ZNF518B: variants seen among roughly 807,000 people sequenced by gnomAD.
ZNF518B encodes the protein zinc finger protein 518B.
In ZNF518B, 23 loss-of-function variants were observed where a neutral mutation model predicts 56.3. That is an observed-to-expected ratio of 0.41 (90% CI 0.29 to 0.58). The LOEUF (loss-of-function observed/expected upper bound fraction) is 0.58, where lower values mean the gene tolerates loss of function less well. Ranked by LOEUF, ZNF518B falls within the 20% of genes least tolerant of loss-of-function variation. The pLI is 0.32. For missense variants in ZNF518B, 1,460 were observed against 1,272.1 expected (o/e 1.15, Z -2.25); for synonymous variants, 529 against 465.9 (o/e 1.14, Z -1.74).
upstream of ZNF518B, among the ~76,000 whole-genome samples, chr4:10,458,218 A>C (rs1195168786): frequency 1.3e-5 from 2 of 152,192 alleles, no homozygotes; most frequent in Non-Finnish European, 2.9e-5. Flanking sequence ...GTCCCGCACA[A>C]TCAGTGACTC....
At position 10,443,358 on chromosome 4, in the gene ZNF518B, G is replaced by A. The variant is rs1380410394; in HGVS notation, c.2971C>T (p.Arg991Cys). Residue 991 changes from arginine (R) to cysteine (C), a missense_variant, in exon 3 of 3, where the codon CGC (arginine) becomes TGC (cysteine). Transcript: ENST00000326756. ...CQLGIRRHHVRLTYQNAEEAS... is the reference protein window; with the variant it reads ...CQLGIRRHHVCLTYQNAEEAS... ...TCTTCCGCATTCTGGTAGGTCAGGC[G>A]TACATGATGCCGTCTGATGCCTAGC... 5 of 1,614,196 alleles carry A rather than the reference G, an allele frequency of 3.1e-6. No individual in the cohort carries two copies. Among genetic ancestry groups the A allele is most frequent in the East Asian group, 2.2e-5 (1 of 44,892 alleles).
At position 10,445,521 on chromosome 4, in the gene ZNF518B, C is replaced by T. The variant is rs1322090335; in HGVS notation, c.808G>A (p.Asp270Asn). The T allele has an allele frequency of 3.1e-6, 5 of 1,614,008 alleles. No individual in the cohort carries two copies. In the Admixed American group the frequency reaches 8.3e-5, roughly 27 times the overall value. Reference protein sequence around the residue: ...LSGFSLHANKDKMHNIMLLPE... With the variant: ...LSGFSLHANKNKMHNIMLLPE... ...AACAACATGATATTGTGCATTTTGT[C>T]TTTATTTGCATGGAGAGAGAAACCT... The change falls in exon 3 of 3, where the codon GAC (aspartate) becomes AAC (asparagine). Residue 270 changes from aspartate (D) to asparagine (N), a missense_variant. Physicochemically the swap from Asp to Asn is conservative, Grantham distance 23. Transcript: ENST00000326756.
upstream of ZNF518B, among the ~76,000 whole-genome samples, chr4:10,460,304 C>CAAAAAAA (rs1210892613): frequency 2.3e-4 from 2 of 8,798 alleles, no homozygotes; most frequent in Non-Finnish European, 3.2e-4. Context: ...GACTCTGTCT[C>CAAAAAAA]AAAAAAAAAA....
At position 10,443,267 on chromosome 4, in the gene ZNF518B, T is replaced by C. The variant is rs1298942664; in HGVS notation, c.3062A>G (p.Tyr1021Cys). Residue 1021 changes from tyrosine (Y) to cysteine (C), a missense_variant, in exon 3 of 3, where the codon TAC (tyrosine) becomes TGC (cysteine). Coordinates refer to ENST00000326756, the MANE Select transcript of ZNF518B (RefSeq NM_053042.3). ...ATCAGGCAAGGAATCCACTACCTGG[T>C]AGTTGTTTTTATGAACTTTTTTGAG... ...MKLKKVHKNN[Y>C]QVVDSLPDDS... is the part of the protein sequence containing the mutation. 2.5e-6 allele frequency: 4 copies of C among 1,614,230 alleles called. No homozygotes were observed. The highest frequency in any genetic ancestry group is 2.2e-5 in the East Asian group (1 of 44,890).
rs1022509691 is a variant in ZNF518B, at chr4:10,440,448, T to C, written c.*2656A>G. The stretch of plus-strand genomic sequence containing the variant: ...GTAGTGATTGGAGGTCCTTCAAAAT[T>C]AAGAACCCACACAAATACTCAACAC... On this transcript the variant is annotated 3_prime_UTR_variant, in exon 3 of 3. Transcript: ENST00000326756. 1 of 152,582 alleles carries C rather than the reference T, an allele frequency of 6.6e-6. No homozygotes were observed. 9.5% of individuals were successfully genotyped at this position (152,582 alleles called of 1,614,324 possible).
chr4:10,458,754 C>T (rs1193018399), upstream of ZNF518B, among the ~76,000 whole-genome samples: 2 of 152,088 alleles, frequency 1.3e-5, no homozygotes, highest in African/African-American at 4.8e-5. Flanking sequence ...TCAAAGTCTC[C>T]CTCAAGAGTA....
upstream of ZNF518B, among the ~76,000 whole-genome samples, chr4:10,459,386 C>T (rs1027231608): frequency 3.9e-5 from 6 of 152,192 alleles, no homozygotes; most frequent in African/African-American, 1.4e-4. Flanking sequence ...ATCACACGTT[C>T]CCTACACGTC....
intron 2 of ZNF518B, among the ~76,000 whole-genome samples, chr4:10,448,458 A>G (rs1715164140): frequency 1.3e-5 from 2 of 152,206 alleles, no homozygotes; most frequent in African/African-American, 4.8e-5. Context: ...GGAAAGCACC[A>G]AAATAACACA....
chr4:10,445,179 G>T lies in ZNF518B; in HGVS notation c.1150C>A (p.Arg384Ser). 1 of 1,614,104 alleles carries T rather than the reference G, an allele frequency of 6.2e-7. No homozygotes were observed. The highest frequency in any genetic ancestry group is 2.2e-5 in the East Asian group (1 of 44,884). ...AGRDNGGNSE[R>S]MVKEKGSNEQ... Reference sequence around the variant, plus strand: ...TTTGAACCCTTCTCTTTCACCATACGTTCAGAATTACCTCCATTATCCCTC... The same window carrying T: ...TTTGAACCCTTCTCTTTCACCATACTTTCAGAATTACCTCCATTATCCCTC... Residue 384 changes from arginine (R) to serine (S), a missense_variant, in exon 3 of 3, where the codon CGT (arginine) becomes AGT (serine). By Grantham distance (110) the Arg-to-Ser change is moderately radical. Coordinates refer to ENST00000326756, the MANE Select transcript of ZNF518B (RefSeq NM_053042.3).
chr4:10,443,585 G>C lies in ZNF518B; in HGVS notation c.2744C>G (p.Ser915Ter). The C allele has an allele frequency of 6.2e-7, 1 of 1,614,164 alleles. No individual in the cohort carries two copies. The highest frequency in any genetic ancestry group is 8.5e-7 in the Non-Finnish European group (1 of 1,180,030). The change falls in exon 3 of 3, where the codon TCA becomes TGA. Residue 915 changes from serine to a stop codon, truncating the protein, a stop_gained. Coordinates refer to ENST00000326756, the MANE Select transcript of ZNF518B (RefSeq NM_053042.3). LOFTEE classifies it high-confidence loss of function. Reference protein sequence around the residue: ...AEPSRCLKDPSIFQVARQLRL... With the variant: ...AEPSRCLKDP The stretch of plus-strand genomic sequence containing the variant: ...TAGTTGCCTTGCAACCTGAAAAATT[G>C]AAGGATCCTTGAGACAGCGGCTAGG...
At position 10,444,818 on chromosome 4, in the gene ZNF518B, G is replaced by C; in HGVS notation, c.1511C>G (p.Pro504Arg). 3 of 1,614,024 alleles carry C rather than the reference G, an allele frequency of 1.9e-6. No homozygotes were observed. Among genetic ancestry groups the C allele is most frequent in the Non-Finnish European group, 2.5e-6 (3 of 1,179,966 alleles). ...ACAAACAGCAGCTTTATATGGAAAA[G>C]GGTTTGATGCAGCTCCAAGACTACG... ...VLRSLGAASNPFPYKAAVCFA... is the reference protein window; with the variant it reads ...VLRSLGAASNRFPYKAAVCFA... The change falls in exon 3 of 3, where the codon CCT becomes CGT. Residue 504 changes from proline (P) to arginine (R), a missense_variant. Pro to Arg is a moderately radical substitution (Grantham distance 103, BLOSUM62 -2). Coordinates refer to ENST00000326756, the MANE Select transcript of ZNF518B (RefSeq NM_053042.3).
At position 10,440,667 on chromosome 4, in the gene ZNF518B, T is replaced by C. The variant is rs761619337; in HGVS notation, c.*2437A>G. On this transcript the variant is annotated 3_prime_UTR_variant, in exon 3 of 3. Transcript: ENST00000326756. Reference sequence around the variant, plus strand: ...AAATCCTAAAAAGCTTTGCTACATATTCTACTCACACAATTAAGCTCCATC... The same window carrying C: ...AAATCCTAAAAAGCTTTGCTACATACTCTACTCACACAATTAAGCTCCATC... 6.6e-6 allele frequency: 1 copy of C among 152,246 alleles called. No individual in the cohort carries two copies. The highest frequency in any genetic ancestry group is 1.5e-5 in the Non-Finnish European group (1 of 68,036). The allele number at this position is 152,246 out of a possible 1,614,324, so 9.4% of individuals were successfully genotyped here. A position where few individuals can be genotyped will look rare whatever the true frequency, so the allele number is the denominator to read the frequency against.
Position 10,446,321 on chromosome 4 carries a change from T to C in ZNF518B, c.8A>G (p.Asp3Gly). 1 of 1,605,828 alleles carries C rather than the reference T, an allele frequency of 6.2e-7. No homozygotes were observed. The highest frequency in any genetic ancestry group is 1.3e-5 in the African/African-American group (1 of 74,474). MKDIGQQLYTTHL... is the reference protein window; with the variant it reads MKGIGQQLYTTHL... ...TGTAGTGTATAGCTGCTGTCCAATA[T>C]CCTTCATCTTATCTGCATTTCTAAA... The change falls in exon 3 of 3, where the codon GAT becomes GGT. Residue 3 changes from aspartate to glycine, a missense_variant. Asp to Gly is a moderately conservative substitution (Grantham distance 94, BLOSUM62 -1). Coordinates refer to ENST00000326756, the MANE Select transcript of ZNF518B (RefSeq NM_053042.3).
chr4:10,454,941 C>T lies in ZNF518B; in HGVS notation c.-348G>A, dbSNP rs1715466883. 6.6e-6 allele frequency: 1 copy of T among 152,250 alleles called. No individual in the cohort carries two copies. The highest frequency in any genetic ancestry group is 1.5e-5 in the Non-Finnish European group (1 of 68,094). The allele number at this position is 152,250 out of a possible 1,614,324, so 9.4% of individuals were successfully genotyped here. A position where few individuals can be genotyped will look rare whatever the true frequency, so the allele number is the denominator to read the frequency against. On this transcript the variant is annotated 5_prime_UTR_variant, in exon 2 of 3. Coordinates refer to ENST00000326756, the MANE Select transcript of ZNF518B (RefSeq NM_053042.3). The stretch of plus-strand genomic sequence containing the variant: ...TCACAACCTCAGGCCCTGGTGTAGG[C>T]TTCTACATCAGAACCCTGGGCGTCA...
At chr4:10,451,536 T>C (rs1449567452) in intron 2 of ZNF518B, 1 of 152,224 alleles carries the variant, frequency 6.6e-6, no homozygotes, top group Non-Finnish European at 1.5e-5. Context: ...TATCATAACC[T>C]GTTAAAAATA....
upstream of ZNF518B, among the ~76,000 whole-genome samples, chr4:10,458,462 C>T (rs1715639183): frequency 6.6e-6 from 1 of 152,146 alleles, no homozygotes. Flanking sequence ...TACTGCCACA[C>T]GGAGAAGCGG....
At position 10,446,114 on chromosome 4, in the gene ZNF518B, T is replaced by G. The variant is rs773633392; in HGVS notation, c.215A>C (p.Gln72Pro). 1.9e-6 allele frequency: 3 copies of G among 1,614,202 alleles called. No individual in the cohort carries two copies. The highest frequency in any genetic ancestry group is 2.5e-6 in the Non-Finnish European group (3 of 1,180,020). ...KCKSVHKISL[Q>P]DLQKGTGKDG... ...CTTCCCTGTACCCTTCTGCAAATCT[T>G]GAAGAGAGATCTTGTGAACACTTTT... The change falls in exon 3 of 3, where the codon CAA becomes CCA. Residue 72 changes from glutamine to proline, a missense_variant. By Grantham distance (76) the Gln-to-Pro change is moderately conservative. Transcript: ENST00000326756.
At position 10,444,930 on chromosome 4, in the gene ZNF518B, T is replaced by A; in HGVS notation, c.1399A>T (p.Asn467Tyr). Residue 467 changes from asparagine to tyrosine, a missense_variant, in exon 3 of 3, where the codon AAT becomes TAT. Coordinates refer to ENST00000326756, the MANE Select transcript of ZNF518B (RefSeq NM_053042.3). ...SETIEDFQKK[N>Y]NLYPHRTAFP... ...GCAGTTCTATGTGGATACAAATTAT[T>A]TTTTTTCTGAAAATCCTCAATTGTT... 6.2e-7 allele frequency: 1 copy of A among 1,611,186 alleles called. No individual in the cohort carries two copies. The highest frequency in any genetic ancestry group is 8.5e-7 in the Non-Finnish European group (1 of 1,179,142).
chr4:10,443,765 C>T lies in ZNF518B; in HGVS notation c.2564G>A (p.Ser855Asn), dbSNP rs772588650. Residue 855 changes from serine to asparagine, a missense_variant, in exon 3 of 3, where the codon AGC becomes AAC. By Grantham distance (46) the Ser-to-Asn change is conservative (BLOSUM62 1). Transcript: ENST00000326756. ...PKLRKESAVCSTIHRKTGLLY... is the reference protein window; with the variant it reads ...PKLRKESAVCNTIHRKTGLLY... ...GAGGCCAGTTTTTCTATGGATGGTG[C>T]TACAGACAGCACTCTCTTTTCTCAG... is the stretch of plus-strand genomic sequence containing the variant. 1.9e-6 allele frequency: 3 copies of T among 1,614,164 alleles called. No homozygotes were observed. The highest frequency in any genetic ancestry group is 2.2e-5 in the South Asian group (2 of 91,080).
Sources: allele counts gnomAD v4.1 joint callset (sites outside exome capture counted in the v4.1 genomes callset), GRCh38; gene constraint gnomAD v4.1.1; transcripts MANE v1.5; gene names NCBI Gene and HGNC (gene_info 2026-07-23, HGNC 2026-07-21).